The following FOXN4 variants were observed in gnomAD, a reference collection of about 807,000 sequenced individuals.
The protein encoded by FOXN4 is forkhead box protein N4.
A neutral mutation model predicts 45.0 loss-of-function variants in FOXN4; 12 were observed. The ratio of observed to expected loss-of-function variants is 0.27; its 90% CI spans 0.17 to 0.43. FOXN4 has a LOEUF of 0.43. FOXN4 is among the 20% of genes least tolerant of loss of function. FOXN4 has a pLI of 1.00. For missense variants in FOXN4, 560 were observed against 694.9 expected (o/e 0.81, Z 2.18); for synonymous variants, 297 against 295.0 (o/e 1.01, Z -0.07).
chr12:109,285,186 A>G, intron 8 of FOXN4, 118 bp downstream of exon 8: 7 of 1,247,744 alleles, frequency 5.6e-6, no homozygotes, highest in African/African-American at 1.6e-5. Flanking sequence ...GTGCGTATGC[A>G]TCGGCTTCAC....
chr12:109,292,244 A>G (rs1284192099), intron 2 of FOXN4, among the ~76,000 whole-genome samples: 3 of 152,168 alleles, frequency 2.0e-5, no homozygotes, highest in Non-Finnish European at 4.4e-5. Flanking sequence ...CTGCGGTAAC[A>G]AGGAGAAGTG....
chr12:109,299,529 GC>G (rs1315929119), intron 2 of FOXN4, among the ~76,000 whole-genome samples: 1 of 152,184 alleles, frequency 6.6e-6, no homozygotes, highest in Admixed American at 6.5e-5. Context: ...AGCTTCAGCA[GC>G]CCCAGGTAGC....
rs73401956 is a variant in FOXN4 at position 109,291,563 on chromosome 12, G to A, written c.87-1277C>T. Reference sequence around the variant, plus strand: ...ATCTGCTTGGCCAGCTCTGCCTCACGTTCTCCCTCTCCCTCCTCCTCCCTG... The same window carrying A: ...ATCTGCTTGGCCAGCTCTGCCTCACATTCTCCCTCTCCCTCCTCCTCCCTG... On this transcript the variant is annotated intron_variant, in intron 2 of 9. Transcript: ENST00000299162. This position sits in a 1 kb window ranked among gnomAD's most constrained non-coding sequence, Gnocchi z 6.6. Among the ~76,000 whole-genome samples the A allele has an allele frequency of 0.036, 5,532 of 151,752 alleles. 330 individuals are homozygous for A. Among genetic ancestry groups the A allele is most frequent in the African/African-American group, 0.13 (5,246 of 41,312 alleles).
At position 109,288,295 on chromosome 12, in the gene FOXN4, AGGCACATAGTAGGTGCTT is replaced by A; in HGVS notation, c.233-133_233-116del. 4 of 1,406,118 alleles carry A rather than the reference AGGCACATAGTAGGTGCTT, an allele frequency of 2.8e-6. No individual in the cohort carries two copies. Among genetic ancestry groups the A allele is most frequent in the Non-Finnish European group, 3.8e-6 (4 of 1,060,028 alleles). 87.1% of individuals were successfully genotyped at this position (1,406,118 alleles called of 1,614,324 possible). On this transcript the variant is annotated intron_variant, in intron 3 of 9. Transcript: ENST00000299162. This position sits in a 1 kb window ranked among gnomAD's most constrained non-coding sequence, Gnocchi z 4.3. ...CGGAGCCAGCCCCTTTCCTCGGACC[AGGCACATAGTAGGTGCTT>A]GGCAAATCACTTCCCTGGTGTGTAG...
At chr12:109,279,992 C>A (rs1252653945) in intron 9 of FOXN4, 62 bp from the exon 10 acceptor site, 1 of 1,599,662 alleles carries the variant, frequency 6.3e-7, no homozygotes, top group Non-Finnish European at 8.5e-7. Context: ...AGTTCGAATC[C>A]CCCATCTTAG....
At chr12:109,305,737 A>G (rs993931495) in intron 2 of FOXN4, among the ~76,000 whole-genome samples, 7 of 152,160 alleles carry the variant, frequency 4.6e-5, no homozygotes, top group East Asian at 1.9e-4. Flanking sequence ...CACAAAAAAA[A>G]CAAGTAAAAA....
chr12:109,280,314 G>A (rs910697320), intron 9 of FOXN4, among the ~76,000 whole-genome samples: 1 of 133,948 alleles, frequency 7.5e-6, no homozygotes, highest in Non-Finnish European at 1.5e-5. Context: ...CTGCGCTACA[G>A]CCTGGGTGAC....
At chr12:109,281,332 C>G (rs1412928763) in intron 9 of FOXN4, 75 bp downstream of exon 9, 1 of 1,553,970 alleles carries the variant, frequency 6.4e-7, no homozygotes, top group African/African-American at 1.4e-5. Context: ...GTACAGTCCT[C>G]TCCCTCACTC....
intron 2 of FOXN4, among the ~76,000 whole-genome samples, chr12:109,304,878 C>T (rs748252404): frequency 1.2e-4 from 18 of 152,310 alleles, no homozygotes; most frequent in Non-Finnish European, 1.5e-4. Flanking sequence ...AATCATAAAA[C>T]CCCCTCTGCA....
In FOXN4 at chr12:109,290,826, G is replaced by A. The variant is rs148243369; in HGVS notation, c.87-540C>T. 9.7e-4 allele frequency among the ~76,000 whole-genome samples: 148 copies of A among 152,312 alleles called. No homozygotes were observed. The highest frequency in any genetic ancestry group is 2.1e-3 in the East Asian group (11 of 5,172). On this transcript the variant is annotated intron_variant, in intron 2 of 9. Coordinates refer to ENST00000299162, the MANE Select transcript of FOXN4 (RefSeq NM_213596.3). The surrounding 1 kb of genome is among the most constrained non-coding windows in gnomAD (Gnocchi z 5.1). Reference sequence around the variant, plus strand: ...AACATGGAACTTGGGAACGGTCTGCGTGGATGATCCTGCCATGTGCTGAGG... The same window carrying A: ...AACATGGAACTTGGGAACGGTCTGCATGGATGATCCTGCCATGTGCTGAGG...
chr12:109,285,931 T>C (rs1272615657), intron 7 of FOXN4, among the ~76,000 whole-genome samples: 16 of 151,316 alleles, frequency 1.1e-4, no homozygotes, highest in Admixed American at 5.9e-4. Flanking sequence ...AGTGGTATGA[T>C]CACGGCTCAC....
intron 2 of FOXN4, among the ~76,000 whole-genome samples, chr12:109,308,022 G>T (rs2047936974): frequency 6.6e-6 from 1 of 152,168 alleles, no homozygotes. Flanking sequence ...GAGGGGACAA[G>T]AGACAGCAGG....
In FOXN4 at chr12:109,306,498, C is replaced by T. The variant is rs566879787; in HGVS notation, c.86+1738G>A. On this transcript the variant is annotated intron_variant, in intron 2 of 9. Coordinates refer to ENST00000299162, the MANE Select transcript of FOXN4 (RefSeq NM_213596.3). ...AGCCAACCTGGAGGAAGGATGCGCT[C>T]GCCCAGGCTTGCAGCTAGGAGGGCA... Among the ~76,000 whole-genome samples the T allele has an allele frequency of 1.0e-3, 155 of 152,318 alleles. 2 individuals carry two copies. Among genetic ancestry groups the T allele is most frequent in the African/African-American group, 3.6e-3 (150 of 41,566 alleles).
rs1221940719 is a variant in FOXN4 at position 109,293,724 on chromosome 12, C to T, written c.87-3438G>A. Among the ~76,000 whole-genome samples the T allele has an allele frequency of 2.0e-5, 3 of 152,360 alleles. No individual in the cohort carries two copies. The East Asian group carries it at 5.8e-4, about 29-fold the overall frequency. On this transcript the variant is annotated intron_variant, in intron 2 of 9. Transcript: ENST00000299162. ...TGTTGGTCAGGCTGGTGCTGAACTT[C>T]TGACCTTGTGATCCGCCCATCTTGG...
Position 109,290,626 on chromosome 12 carries a change from GTTA to G in FOXN4, c.87-343_87-341del, listed in dbSNP as rs1268313779. 6.6e-6 allele frequency among the ~76,000 whole-genome samples: 1 copy of G among 152,192 alleles called. No individual in the cohort carries two copies. The highest frequency in any genetic ancestry group is 1.5e-5 in the Non-Finnish European group (1 of 68,028). ...CTCCCAGTCACCCTATGAGGCAGGT[GTTA>G]TTATTCCTATTTTACAGATGGGGAA... On this transcript the variant is annotated intron_variant, in intron 2 of 9. Coordinates refer to ENST00000299162, the MANE Select transcript of FOXN4 (RefSeq NM_213596.3). The surrounding 1 kb of genome is among the most constrained non-coding windows in gnomAD (Gnocchi z 5.1).
chr12:109,290,352 C>T lies in FOXN4; in HGVS notation c.87-66G>A, dbSNP rs879418545. 5.1e-5 allele frequency: 74 copies of T among 1,461,574 alleles called. No individual in the cohort carries two copies. Among genetic ancestry groups the T allele is most frequent in the East Asian group, 2.1e-4 (8 of 38,400 alleles). The allele number at this position is 1,461,574 out of a possible 1,614,324, so 90.5% of individuals were successfully genotyped here. On this transcript the variant is annotated intron_variant, in intron 2 of 9. Transcript: ENST00000299162. The surrounding 1 kb of genome is among the most constrained non-coding windows in gnomAD (Gnocchi z 5.1). ...TAGGCCAGCTCCTGGGGGTGCGTCC[C>T]GACCTCTGGAAGCACCCGCTTAATG...
At chr12:109,307,794 C>T (rs930156849) in intron 2 of FOXN4, among the ~76,000 whole-genome samples, 6 of 152,184 alleles carry the variant, frequency 3.9e-5, no homozygotes, top group African/African-American at 1.4e-4. Flanking sequence ...GAATGTCACA[C>T]AGCCTGGCTG....
chr12:109,285,405 A>C lies in FOXN4; in HGVS notation c.800T>G (p.Leu267Arg). 2 of 1,614,028 alleles carry C rather than the reference A, an allele frequency of 1.2e-6. No homozygotes were observed. The highest frequency in any genetic ancestry group is 1.3e-5 in the African/African-American group (1 of 75,042). The change falls in exon 8 of 10, where the codon CTG becomes CGG. Residue 267 changes from leucine to arginine, a missense_variant. Around this residue, in one of 5 missense-constraint regions of FOXN4, gnomAD observed 315 missense variants for 350.5 expected, o/e 0.90. Transcript: ENST00000299162. ...GATGCGGGCCAGGTTCAGAGCCCAC[A>C]GGCAGCCCTTGCGGGAGGAGCCGCT... is the stretch of plus-strand genomic sequence containing the variant. ...KMSGSSRKGC[L>R]WALNLARIDK...
chr12:109,280,731 C>T (rs2047645001), intron 9 of FOXN4, among the ~76,000 whole-genome samples: 1 of 152,216 alleles, frequency 6.6e-6, no homozygotes, highest in South Asian at 2.1e-4. Flanking sequence ...GCTGTCTCCA[C>T]CCTTGGCTGG....
Sources: allele counts gnomAD v4.1 joint callset (sites outside exome capture counted in the v4.1 genomes callset), GRCh38; gene constraint gnomAD v4.1.1; regional missense constraint gnomAD v4.1.1; non-coding constraint Gnocchi (gnomAD v3.1); transcripts MANE v1.5; gene names NCBI Gene and HGNC (gene_info 2026-07-23, HGNC 2026-07-21).